PLXDC2: variants seen among roughly 807,000 people sequenced by gnomAD.
The protein encoded by PLXDC2 is plexin domain-containing protein 2.
In PLXDC2, 40 loss-of-function variants were observed where a neutral mutation model predicts 68.9. The observed-to-expected ratio is 0.58, with a 90% CI of 0.45 to 0.76. The LOEUF is 0.76. Among genes scored for constraint, PLXDC2 ranks in the 30% least tolerant of loss-of-function variants. PLXDC2 has a pLI of 0.00. For missense variants in PLXDC2, 644 were observed against 661.9 expected (o/e 0.97, Z 0.30); for synonymous variants, 243 against 234.2 (o/e 1.04, Z -0.34).
At chr10:20,074,686 G>C (rs1186169221) in intron 4 of PLXDC2, among the ~76,000 whole-genome samples, 6 of 151,994 alleles carry the variant, frequency 3.9e-5, no homozygotes, top group African/African-American at 1.2e-4. Flanking sequence ...ACTCTTTATA[G>C]GGACTTGATT....
rs117648950 is a variant in PLXDC2, at chr10:19,843,409, G to T, written c.112+26218G>T. Among the ~76,000 whole-genome samples, 367 of 152,076 alleles carry T rather than the reference G, an allele frequency of 2.4e-3. 7 individuals carry two copies. The East Asian group carries it at 0.052, about 22-fold the overall frequency. The stretch of plus-strand genomic sequence containing the variant: ...AAAGAGTCTACCCCTGTTATCGTAG[G>T]ATTCCTCCATAAGGACACCATCCAC... On this transcript the variant is annotated intron_variant, in intron 1 of 13. Transcript: ENST00000377252.
chr10:19,873,261 C>A (rs1837573912), intron 1 of PLXDC2, among the ~76,000 whole-genome samples: 1 of 152,054 alleles, frequency 6.6e-6, no homozygotes, highest in South Asian at 2.1e-4. Flanking sequence ...CTGGCTGATT[C>A]CATGCTTATT....
chr10:19,874,535 G>A (rs1232281612), intron 1 of PLXDC2, among the ~76,000 whole-genome samples: 3 of 152,154 alleles, frequency 2.0e-5, no homozygotes, highest in African/African-American at 7.2e-5. Context: ...GCCCTCAGTG[G>A]ACTGTAGGTC....
intron 1 of PLXDC2, among the ~76,000 whole-genome samples, chr10:19,925,909 C>T (rs185406560): frequency 1.1e-4 from 16 of 152,236 alleles, no homozygotes; most frequent in Non-Finnish European, 2.1e-4. Flanking sequence ...TGTTTTGTAC[C>T]GGGGTTGATC....
At chr10:19,931,326 G>A (rs917777735) in intron 1 of PLXDC2, among the ~76,000 whole-genome samples, 1 of 152,150 alleles carries the variant, frequency 6.6e-6, no homozygotes, top group African/African-American at 2.4e-5. Flanking sequence ...GTGTGGAGGC[G>A]CTGATCTGCC....
intron 13 of PLXDC2, among the ~76,000 whole-genome samples, chr10:20,278,328 G>T (rs1018798111): frequency 6.6e-6 from 1 of 152,072 alleles, no homozygotes; most frequent in African/African-American, 2.4e-5. Flanking sequence ...TAAGTAGTGA[G>T]CACTGCAACA....
At chr10:19,910,413 C>T (rs1358385461) in intron 1 of PLXDC2, among the ~76,000 whole-genome samples, 1 of 151,564 alleles carries the variant, frequency 6.6e-6, no homozygotes, top group Non-Finnish European at 1.5e-5. Context: ...AAAGTTGATA[C>T]TACTATTATA....
intron 2 of PLXDC2, among the ~76,000 whole-genome samples, chr10:20,024,538 C>G (rs1169402357): frequency 1.3e-5 from 2 of 152,202 alleles, no homozygotes; most frequent in Non-Finnish European, 2.9e-5. Context: ...AACTTTTTTT[C>G]CAGAGGAAAA....
intron 12 of PLXDC2, among the ~76,000 whole-genome samples, chr10:20,220,974 CTGGGATTACAGGCA>C: frequency 6.6e-6 from 1 of 151,452 alleles, no homozygotes; most frequent in East Asian, 1.9e-4. Flanking sequence ...TCCTGAGCAG[CTGGGATTACAGGCA>C]CCCACCACTA....
At chr10:19,836,281 T>C (rs536287522) in intron 1 of PLXDC2, among the ~76,000 whole-genome samples, 1 of 152,038 alleles carries the variant, frequency 6.6e-6, no homozygotes, top group East Asian at 1.9e-4. Context: ...CAAAGGAGAT[T>C]TGAGCTCATT....
intron 1 of PLXDC2, among the ~76,000 whole-genome samples, chr10:19,872,290 C>A (rs1171062907): frequency 1.3e-5 from 2 of 152,196 alleles, no homozygotes; most frequent in Non-Finnish European, 2.9e-5. Context: ...CCCATAATGG[C>A]GAGCACCTCA....
At position 20,245,491 on chromosome 10, in the gene PLXDC2, A is replaced by G. The variant is rs773053235; in HGVS notation, c.1459A>G (p.Ile487Val). ...MYHHPTSAAS[I>V]FFIERRPSRW... ...TCACCACCCAACATCAGCAGCCAGC[A>G]TCTTCTTTATTGAGGTAAGTGTTGA... Residue 487 changes from isoleucine (I) to valine (V), a missense_variant, in exon 13 of 14, where the codon ATC (isoleucine) becomes GTC (valine). This residue lies in a region of PLXDC2 where 330 missense variants were observed against 327.9 expected (regional missense o/e 1.01). Transcript: ENST00000377252. 3 of 1,611,582 alleles carry G rather than the reference A, an allele frequency of 1.9e-6. No homozygotes were observed. The South Asian group carries it at 3.3e-5, about 18-fold the overall frequency.
At chr10:19,821,591 C>T (rs1430393475) in intron 1 of PLXDC2, among the ~76,000 whole-genome samples, 1 of 152,156 alleles carries the variant, frequency 6.6e-6, no homozygotes, top group Non-Finnish European at 1.5e-5. Flanking sequence ...TAAATAGTTG[C>T]AATAAATGGT....
intron 1 of PLXDC2, among the ~76,000 whole-genome samples, chr10:19,943,625 A>G (rs1417626358): frequency 6.6e-6 from 1 of 152,232 alleles, no homozygotes; most frequent in Non-Finnish European, 1.5e-5. Context: ...TCCCTGGGCC[A>G]CTGGCTTTCT....
intron 4 of PLXDC2, among the ~76,000 whole-genome samples, chr10:20,094,821 C>T (rs1589626421): frequency 6.6e-6 from 1 of 152,256 alleles, no homozygotes; most frequent in African/African-American, 2.4e-5. Flanking sequence ...CTCTGGGACT[C>T]ATGTCATGCT....
chr10:19,993,230 C>CT (rs1834780066), intron 1 of PLXDC2, among the ~76,000 whole-genome samples: 2 of 152,172 alleles, frequency 1.3e-5, no homozygotes, highest in Non-Finnish European at 2.9e-5. Context: ...AAAGATGTAG[C>CT]AATACCTTAC....
At chr10:19,962,205 C>G (rs921951730) in intron 1 of PLXDC2, among the ~76,000 whole-genome samples, 1 of 151,922 alleles carries the variant, frequency 6.6e-6, no homozygotes, top group Non-Finnish European at 1.5e-5. Context: ...GTTTAGAGCA[C>G]TTAGATGATT....
chr10:19,968,088 A>C (rs987202132), intron 1 of PLXDC2, among the ~76,000 whole-genome samples: 1 of 152,216 alleles, frequency 6.6e-6, no homozygotes, highest in Non-Finnish European at 1.5e-5. Context: ...TGCATTGGAC[A>C]ATAGAACAAT....
chr10:20,177,897 G>A (rs1589667090), intron 9 of PLXDC2, among the ~76,000 whole-genome samples: 1 of 90,160 alleles, frequency 1.1e-5, no homozygotes, highest in Non-Finnish European at 2.0e-5. Context: ...ATTTTCCTTT[G>A]TTTGAGAGCT....
Sources: allele counts gnomAD v4.1 joint callset (sites outside exome capture counted in the v4.1 genomes callset), GRCh38; gene constraint gnomAD v4.1.1; regional missense constraint gnomAD v4.1.1; transcripts MANE v1.5; gene names NCBI Gene and HGNC (gene_info 2026-07-23, HGNC 2026-07-21).